The following ANKS6 variants were observed in gnomAD, a reference collection of about 807,000 sequenced individuals.
The protein encoded by ANKS6 is ankyrin repeat and SAM domain-containing protein 6.
A neutral mutation model predicts 77.9 loss-of-function variants in ANKS6; 47 were observed. The ratio of observed to expected loss-of-function variants is 0.60; its 90% CI spans 0.48 to 0.77. The LOEUF is 0.77. ANKS6 is among the 30% of genes least tolerant of loss of function. The pLI, the probability that ANKS6 is intolerant of heterozygous loss-of-function variation, is 0.00. For synonymous variants in ANKS6, 488 were observed against 501.7 expected, an observed-to-expected ratio of 0.97 and a Z score of 0.37; for missense variants, 1,150 against 1,159.1, an observed-to-expected ratio of 0.99 and a Z score of 0.11.
chr9:98,734,227 G>C lies in ANKS6; in HGVS notation c.*2292C>G, dbSNP rs550586070. On this transcript the variant is annotated 3_prime_UTR_variant, in exon 15 of 15. Coordinates refer to ENST00000353234, the MANE Select transcript of ANKS6 (RefSeq NM_173551.5). Reference sequence around the variant, plus strand: ...CACTTGAGTCCAGTGAAAAAGAAAGGAAAGGCATTGTCTGGAGCCTCTGCT... The same window carrying C: ...CACTTGAGTCCAGTGAAAAAGAAAGCAAAGGCATTGTCTGGAGCCTCTGCT... 10 of 985,480 alleles carry C rather than the reference G, an allele frequency of 1.0e-5. No homozygotes were observed. The South Asian group carries it at 2.3e-4, about 23-fold the overall frequency. 61.0% of individuals were successfully genotyped at this position (985,480 alleles called of 1,614,324 possible). A position where few individuals can be genotyped will look rare whatever the true frequency, so the allele number is the denominator to read the frequency against.
At chr9:98,774,286 G>A (rs1202329290) in intron 8 of ANKS6, among the ~76,000 whole-genome samples, 1 of 152,152 alleles carries the variant, frequency 6.6e-6, no homozygotes, top group Non-Finnish European at 1.5e-5. Flanking sequence ...GGCTTCTTCT[G>A]GATCTCTCCT....
At chr9:98,789,257 A>G (rs921745328) in intron 2 of ANKS6, among the ~76,000 whole-genome samples, 1 of 152,054 alleles carries the variant, frequency 6.6e-6, no homozygotes, top group Admixed American at 6.6e-5. Flanking sequence ...CCTGGCTGTG[A>G]GTCCTGCCGT....
chr9:98,782,201 C>G (rs1013395955), intron 5 of ANKS6, among the ~76,000 whole-genome samples: 5 of 152,156 alleles, frequency 3.3e-5, no homozygotes, highest in Non-Finnish European at 5.9e-5. Flanking sequence ...AAGTCAGACA[C>G]GTCTTATTTT....
rs1330892964 is a variant in ANKS6 at position 98,736,465 on chromosome 9, G to A, written c.*54C>T. 1.2e-5 allele frequency: 19 copies of A among 1,542,138 alleles called. No homozygotes were observed. Among genetic ancestry groups the A allele is most frequent in the South Asian group, 2.5e-5 (2 of 79,280 alleles). ...GGGGCAGGGCTGGGGCTGTGGCCAC[G>A]TGAAGGGGTCCCGGGATTCAGAGAG... On this transcript the variant is annotated 3_prime_UTR_variant, in exon 15 of 15. Coordinates refer to ENST00000353234, the MANE Select transcript of ANKS6 (RefSeq NM_173551.5).
At chr9:98,755,554 T>C (rs537240431) in intron 12 of ANKS6, among the ~76,000 whole-genome samples, 10 of 152,226 alleles carry the variant, frequency 6.6e-5, no homozygotes, top group Non-Finnish European at 1.3e-4. Context: ...ACAAGGCAGG[T>C]TCCAAGGCTC....
chr9:98,745,542 G>A lies in ANKS6; in HGVS notation c.2511+17C>T, dbSNP rs892498638. 1 of 1,601,496 alleles carries A rather than the reference G, an allele frequency of 6.2e-7. No individual in the cohort carries two copies. Among genetic ancestry groups the A allele is most frequent in the African/African-American group, 1.3e-5 (1 of 74,642 alleles). On this transcript the variant is annotated intron_variant, in intron 14 of 14. Transcript: ENST00000353234. ...AGATGTCTGAAACACGGAAATACAA[G>A]AAACAGAGAACGGTACCTTGCCTGC...
intron 13 of ANKS6, among the ~76,000 whole-genome samples, chr9:98,747,108 A>G (rs997501652): frequency 6.6e-6 from 1 of 152,254 alleles, no homozygotes; most frequent in African/African-American, 2.4e-5. Context: ...GAGTTTACAA[A>G]CAGCTTTATG....
At chr9:98,746,002 C>A in intron 13 of ANKS6, 1 of 332,876 alleles carries the variant, frequency 3.0e-6, no homozygotes, top group Non-Finnish European at 5.6e-6. Flanking sequence ...AAGGTAACTG[C>A]AATGTTGCTG....
chr9:98,744,929 T>C (rs536585688), intron 14 of ANKS6, among the ~76,000 whole-genome samples: 6 of 152,204 alleles, frequency 3.9e-5, no homozygotes, highest in East Asian at 1.9e-4. Context: ...AATAGCCCAA[T>C]AGCAACTACA....
At chr9:98,779,549 A>C (rs1834113676) in intron 6 of ANKS6, among the ~76,000 whole-genome samples, 1 of 151,632 alleles carries the variant, frequency 6.6e-6, no homozygotes, top group Non-Finnish European at 1.5e-5. Flanking sequence ...AAAGAGAGAG[A>C]GATCTAGTAA....
chr9:98,756,848 C>A (rs1019684078), intron 11 of ANKS6, among the ~76,000 whole-genome samples: 7 of 151,998 alleles, frequency 4.6e-5, no homozygotes, highest in Admixed American at 2.6e-4. Flanking sequence ...AGTCAGGAAC[C>A]ACCCCGCTCC....
chr9:98,732,421 G>A lies in ANKS6; in HGVS notation c.*4098C>T. ...AAATCCAGTGACAGCAAGACCCAGA[G>A]TCAGGCACATTTGGAGGGCAGGTCC... On this transcript the variant is annotated 3_prime_UTR_variant, in exon 15 of 15. Transcript: ENST00000353234. 6.9e-7 allele frequency: 1 copy of A among 1,443,452 alleles called. No homozygotes were observed. The allele number at this position is 1,443,452 out of a possible 1,614,324, so 89.4% of individuals were successfully genotyped here. A position where few individuals can be genotyped will look rare whatever the true frequency, so the allele number is the denominator to read the frequency against.
Position 98,736,182 on chromosome 9 carries a change from C to G in ANKS6, c.*337G>C, listed in dbSNP as rs1831491002. On this transcript the variant is annotated 3_prime_UTR_variant, in exon 15 of 15. Coordinates refer to ENST00000353234, the MANE Select transcript of ANKS6 (RefSeq NM_173551.5). ...AGCAGCCGTGCCTTCTCCATCGTCC[C>G]TTTCCCTTGCCGCCAGCCAGAAGCA... 8.5e-7 allele frequency: 1 copy of G among 1,178,188 alleles called. No individual in the cohort carries two copies. 73.0% of individuals were successfully genotyped at this position (1,178,188 alleles called of 1,614,324 possible).
intron 4 of ANKS6, among the ~76,000 whole-genome samples, chr9:98,783,336 A>G (rs576253180): frequency 4.9e-4 from 74 of 152,310 alleles, no homozygotes; most frequent in Middle Eastern, 6.8e-3. Context: ...TGACACAGGA[A>G]AGTGATCTGA....
At chr9:98,786,887 G>C (rs1834603770) in intron 2 of ANKS6, among the ~76,000 whole-genome samples, 1 of 152,124 alleles carries the variant, frequency 6.6e-6, no homozygotes, top group Non-Finnish European at 1.5e-5. Context: ...GCTGTGTCCT[G>C]ACACCCAGTG....
rs1027419714 is a variant in ANKS6 at position 98,735,524 on chromosome 9, AC to A, written c.*994del. On this transcript the variant is annotated 3_prime_UTR_variant, in exon 15 of 15. Coordinates refer to ENST00000353234, the MANE Select transcript of ANKS6 (RefSeq NM_173551.5). ...GGAACACAGCATTAATAGGATGTAG[AC>A]AAAATTCCAAATTTTCACTTCTTTG... 17 of 1,229,886 alleles carry A rather than the reference AC, an allele frequency of 1.4e-5. No individual in the cohort carries two copies. The African/African-American group carries it at 2.6e-4, about 19-fold the overall frequency. 76.2% of individuals were successfully genotyped at this position (1,229,886 alleles called of 1,614,324 possible). A position where few individuals can be genotyped will look rare whatever the true frequency, so the allele number is the denominator to read the frequency against.
intron 8 of ANKS6, among the ~76,000 whole-genome samples, chr9:98,774,989 C>T (rs951734362): frequency 1.3e-5 from 2 of 152,236 alleles, no homozygotes; most frequent in Non-Finnish European, 2.9e-5. Flanking sequence ...GGCACACTGG[C>T]GCCCTCTACA....
At chr9:98,779,887 C>T (rs1283056692) in intron 6 of ANKS6, among the ~76,000 whole-genome samples, 1 of 152,140 alleles carries the variant, frequency 6.6e-6, no homozygotes, top group East Asian at 1.9e-4. Flanking sequence ...TGGTCTCAAT[C>T]TCCTGACCTC....
At chr9:98,780,735 T>A (rs1028351885) in intron 5 of ANKS6, among the ~76,000 whole-genome samples, 1 of 152,202 alleles carries the variant, frequency 6.6e-6, no homozygotes, top group African/African-American at 2.4e-5. Context: ...CATAAAGGTA[T>A]CTTATCAATT....
Sources: gnomAD v4.1 joint callset for allele counts (sites outside exome capture counted in the v4.1 genomes callset) on GRCh38, gnomAD v4.1.1 for gene constraint, MANE v1.5 for transcripts, NCBI Gene and HGNC (gene_info 2026-07-23, HGNC 2026-07-21) for gene names.